Variants in SEPTIN9 observed in about 807,000 individuals in gnomAD.
SEPTIN9 encodes septin-9.
Under a neutral mutation model 56.6 loss-of-function variants are expected in SEPTIN9, and 13 were observed. The ratio of observed to expected loss-of-function variants is 0.23; its 90% CI spans 0.15 to 0.37. SEPTIN9 has a LOEUF of 0.37. SEPTIN9 is among the 10% of genes least tolerant of loss of function. SEPTIN9 has a pLI of 1.00. For synonymous variants in SEPTIN9, 332 were observed against 334.1 expected (o/e 0.99, Z 0.07); for missense variants, 650 against 823.1 (o/e 0.79, Z 2.57).
At chr17:77,339,637 G>A (rs1332452460) in intron 2 of SEPTIN9, among the ~76,000 whole-genome samples, 2 of 151,878 alleles carry the variant, frequency 1.3e-5, no homozygotes, top group African/African-American at 4.8e-5. Context: ...AGCCTCCTGA[G>A]TAGTTGGGAT....
At chr17:77,381,675 T>C (rs2035149486) in intron 2 of SEPTIN9, among the ~76,000 whole-genome samples, 1 of 152,244 alleles carries the variant, frequency 6.6e-6, no homozygotes, top group African/African-American at 2.4e-5. Flanking sequence ...GTTGGGTTTT[T>C]TCCTTTGGTT....
intron 4 of SEPTIN9, among the ~76,000 whole-genome samples, chr17:77,486,519 T>TGTGC (rs1311983254): frequency 3.7e-5 from 4 of 106,718 alleles, no homozygotes; most frequent in Non-Finnish European, 5.6e-5. Flanking sequence ...TGTGTGTGTG[T>TGTGC]GTGCGCGCAC....
chr17:77,408,840 C>A (rs112747426), intron 3 of SEPTIN9, among the ~76,000 whole-genome samples: 4 of 152,124 alleles, frequency 2.6e-5, no homozygotes, highest in African/African-American at 9.7e-5. Flanking sequence ...TTACAGGACA[C>A]CCCACATAGG....
intron 2 of SEPTIN9, among the ~76,000 whole-genome samples, chr17:77,331,456 G>T (rs2033353188): frequency 6.6e-6 from 1 of 152,072 alleles, no homozygotes. Flanking sequence ...GGGAGGTTAT[G>T]AAGCACTGGG....
At chr17:77,295,843 C>T (rs774967273) in intron 1 of SEPTIN9, among the ~76,000 whole-genome samples, 19 of 151,488 alleles carry the variant, frequency 1.3e-4, no homozygotes, top group Admixed American at 2.0e-4. Context: ...CAATCATTGG[C>T]GACGCTGATG....
chr17:77,467,264 C>T (rs1248479797), intron 3 of SEPTIN9, among the ~76,000 whole-genome samples: 1 of 152,342 alleles, frequency 6.6e-6, no homozygotes, highest in East Asian at 1.9e-4. Context: ...GGCCCCCCTG[C>T]CTCAGCGTGG....
rs1377637569 is a variant in SEPTIN9, at chr17:77,492,607, C to T, written c.1381-14C>T. The T allele has an allele frequency of 6.2e-7, 1 of 1,612,748 alleles. No individual in the cohort carries two copies. Among genetic ancestry groups the T allele is most frequent in the South Asian group, 1.1e-5 (1 of 91,052 alleles). Reference sequence around the variant, plus strand: ...CCACAGGGATGGGCCCATCTCTCTCCCTCCTTATCCCAGATCACCGCAGAC... The same window carrying T: ...CCACAGGGATGGGCCCATCTCTCTCTCTCCTTATCCCAGATCACCGCAGAC... On this transcript the variant is annotated splice_polypyrimidine_tract_variant and intron_variant, in intron 8 of 11. Coordinates refer to ENST00000427177, the MANE Select transcript of SEPTIN9 (RefSeq NM_001113491.2). The surrounding 1 kb of genome is among the most constrained non-coding windows in gnomAD (Gnocchi z 5.4).
At chr17:77,322,224 A>T (rs932270080) in intron 2 of SEPTIN9, among the ~76,000 whole-genome samples, 5 of 151,944 alleles carry the variant, frequency 3.3e-5, no homozygotes, top group African/African-American at 1.2e-4. Context: ...AAGTGATGGC[A>T]CCCTCCCAGG....
rs768486451 is a variant in SEPTIN9 at position 77,317,828 on chromosome 17, G to A, written c.76+10631G>A. ...AGCACTTTGGGAGGCCAAGGCTGGC[G>A]GATCACGAGGTCAGGAGTTCAAGAT... On this transcript the variant is annotated intron_variant, in intron 2 of 11. Coordinates refer to ENST00000427177, the MANE Select transcript of SEPTIN9 (RefSeq NM_001113491.2). The surrounding 1 kb of genome is among the most constrained non-coding windows in gnomAD (Gnocchi z 4.2). Among the ~76,000 whole-genome samples, 180 of 152,148 alleles carry A rather than the reference G, an allele frequency of 1.2e-3. 1 individual carries two copies. Among genetic ancestry groups the A allele is most frequent in the Admixed American group, 3.7e-3 (56 of 15,292 alleles).
At chr17:77,361,734 G>A (rs1433504640) in intron 2 of SEPTIN9, among the ~76,000 whole-genome samples, 1 of 151,984 alleles carries the variant, frequency 6.6e-6, no homozygotes. Context: ...CCAGGTTCAC[G>A]CCATTCTCCC....
In SEPTIN9 at chr17:77,429,581, G is replaced by A. The variant is rs150676492; in HGVS notation, c.721+26878G>A. On this transcript the variant is annotated intron_variant, in intron 3 of 11. Coordinates refer to ENST00000427177, the MANE Select transcript of SEPTIN9 (RefSeq NM_001113491.2). The surrounding 1 kb of genome is among the most constrained non-coding windows in gnomAD (Gnocchi z 5.2). ...GAAAGGGAACAGGGGACACATCTGG[G>A]GACAGTCTCCTTCCTGGAGGAAGAA... Among the ~76,000 whole-genome samples, 1,113 of 152,286 alleles carry A rather than the reference G, an allele frequency of 7.3e-3. 16 individuals carry two copies. Among genetic ancestry groups the A allele is most frequent in the African/African-American group, 0.025 (1,058 of 41,542 alleles).
In SEPTIN9 at chr17:77,310,793, G is replaced by A. The variant is rs181856229; in HGVS notation, c.76+3596G>A. On this transcript the variant is annotated intron_variant, in intron 2 of 11. Coordinates refer to ENST00000427177, the MANE Select transcript of SEPTIN9 (RefSeq NM_001113491.2). This position sits in a 1 kb window ranked among gnomAD's most constrained non-coding sequence, Gnocchi z 4.7. ...GGAGCATTTCATCTCAGTGGTGCCT[G>A]AGCTTCCCTCCCTCTGGCCCTCAGA... Among the ~76,000 whole-genome samples, 2 of 152,264 alleles carry A rather than the reference G, an allele frequency of 1.3e-5. No individual in the cohort carries two copies. The highest frequency in any genetic ancestry group is 3.9e-4 in the East Asian group (2 of 5,176).
At chr17:77,320,315 A>G (rs941026214) in intron 2 of SEPTIN9, 1 of 1,612,980 alleles carries the variant, frequency 6.2e-7, no homozygotes, top group Non-Finnish European at 8.5e-7. Context: ...GCTGCTAAAT[A>G]TATCCGTAGG....
At position 77,369,005 on chromosome 17, in the gene SEPTIN9, G is replaced by A. The variant is rs892546621; in HGVS notation, c.77-33054G>A. On this transcript the variant is annotated intron_variant, in intron 2 of 11. Coordinates refer to ENST00000427177, the MANE Select transcript of SEPTIN9 (RefSeq NM_001113491.2). This position sits in a 1 kb window ranked among gnomAD's most constrained non-coding sequence, Gnocchi z 4.9. ...GCCTGTAATCCCAGCACTTTGGGAG[G>A]CCAAGGCAGGCAGATCATCTGAGTT... 6.6e-6 allele frequency among the ~76,000 whole-genome samples: 1 copy of A among 152,216 alleles called. No homozygotes were observed. The highest frequency in any genetic ancestry group is 1.5e-5 in the Non-Finnish European group (1 of 68,040).
At chr17:77,484,903 GA>G (rs2039656001) in intron 4 of SEPTIN9, among the ~76,000 whole-genome samples, 2 of 94,838 alleles carry the variant, frequency 2.1e-5, no homozygotes, top group Non-Finnish European at 4.1e-5. Flanking sequence ...TGGTGGTGGT[GA>G]TGGTGATGAT....
chr17:77,337,971 C>T (rs868587063), intron 2 of SEPTIN9, among the ~76,000 whole-genome samples: 24 of 152,146 alleles, frequency 1.6e-4, no homozygotes, highest in Admixed American at 4.6e-4. Context: ...CCAAGGTGGG[C>T]GGATCATTTG....
chr17:77,474,355 C>G (rs531663163), intron 3 of SEPTIN9, among the ~76,000 whole-genome samples: 1 of 152,372 alleles, frequency 6.6e-6, no homozygotes, highest in East Asian at 1.9e-4. Context: ...GGACCCCCAG[C>G]CCGGCCCAGT....
chr17:77,490,829 C>T lies in SEPTIN9; in HGVS notation c.1350C>T (p.Thr450=), dbSNP rs1205669997. ...VPVIAKADTL[T]LEERVHFKQR... ...TCATCGCCAAGGCGGACACACTCAC[C>T]CTGGAGGAGAGGGTCCACTTCAAAC... is the stretch of plus-strand genomic sequence containing the variant. Residue 450 remains threonine (T), a synonymous_variant, in exon 8 of 12, where the codon ACC becomes ACT. Transcript: ENST00000427177. 6 of 1,590,676 alleles carry T rather than the reference C, an allele frequency of 3.8e-6. No individual in the cohort carries two copies. The highest frequency in any genetic ancestry group is 5.1e-6 in the Non-Finnish European group (6 of 1,168,318).
At chr17:77,286,866 C>T (rs1346856007) in intron 1 of SEPTIN9, among the ~76,000 whole-genome samples, 5 of 152,184 alleles carry the variant, frequency 3.3e-5, no homozygotes, top group Non-Finnish European at 5.9e-5. Context: ...GAGAGAGGCT[C>T]CAGGCCCCTA....
Sources: gnomAD v4.1 joint callset for allele counts (sites outside exome capture counted in the v4.1 genomes callset) on GRCh38, gnomAD v4.1.1 for gene constraint, Gnocchi (gnomAD v3.1) non-coding constraint, MANE v1.5 for transcripts, NCBI Gene and HGNC (gene_info 2026-07-23, HGNC 2026-07-21) for gene names.